TMX3: variants seen among roughly 807,000 people sequenced by gnomAD.
TMX3 encodes the protein thioredoxin related transmembrane protein 3.
Under a neutral mutation model 64.4 loss-of-function variants are expected in TMX3, and 40 were observed. That is an observed-to-expected ratio of 0.62 (90% confidence interval 0.48 to 0.81). TMX3 has a LOEUF of 0.81. Among genes scored for constraint, TMX3 ranks in the 30% least tolerant of loss-of-function variants. The pLI is 0.00. For missense variants in TMX3, 497 were observed against 534.5 expected (o/e 0.93, Z 0.69); for synonymous variants, 189 against 175.7 (o/e 1.08, Z -0.60).
intron 10 of TMX3, chr18:68,686,818 T>C (rs1294502305): frequency 1.2e-5 from 12 of 984,718 alleles, no homozygotes; most frequent in African/African-American, 1.8e-5. Flanking sequence ...GGCAGAAATA[T>C]CACTAGACAC....
intron 12 of TMX3, 115 bp from the exon 13 acceptor site, chr18:68,683,096 G>C: frequency 1.2e-6 from 1 of 837,110 alleles, no homozygotes; most frequent in Non-Finnish European, 1.9e-6. Flanking sequence ...TTAAATTCAG[G>C]CCTCAGTAGG....
rs151168037 is a variant in TMX3, at chr18:68,677,101, G to A, written c.1197C>T (p.Ala399=). The part of the protein sequence containing the change: ...ISIMCYGIYT[A]DTDGGYIEER... ...CTTCTATATAACCTCCATCTGTGTC[G>A]GCTGTGTAGATTCCATAGCACATGA... is the stretch of plus-strand genomic sequence containing the variant. The change falls in exon 16 of 16, where the codon GCC becomes GCT. Residue 399 remains alanine, a synonymous_variant. Coordinates refer to ENST00000299608, the MANE Select transcript of TMX3 (RefSeq NM_019022.5). The A allele has an allele frequency of 7.2e-5, 116 of 1,613,616 alleles. No individual in the cohort carries two copies. The African/African-American group carries it at 1.2e-3, about 17-fold the overall frequency.
chr18:68,693,872 T>TGCCTTTTCCAG (rs1310741873), intron 8 of TMX3, among the ~76,000 whole-genome samples: 2 of 152,084 alleles, frequency 1.3e-5, no homozygotes, highest in Admixed American at 6.5e-5. Flanking sequence ...AAGTGGATCG[T>TGCCTTTTCCAG]GCCTTTTCCA....
Position 68,673,922 on chromosome 18 carries a change from C to A in TMX3, c.*3011G>T, listed in dbSNP as rs1912723065. 6.6e-6 allele frequency: 1 copy of A among 152,110 alleles called. No homozygotes were observed. The highest frequency in any genetic ancestry group is 1.9e-4 in the East Asian group (1 of 5,194). The allele number at this position is 152,110 out of a possible 1,614,324, so 9.4% of individuals were successfully genotyped here. A position where few individuals can be genotyped will look rare whatever the true frequency, so the allele number is the denominator to read the frequency against. ...TCCCACCAATTGATAGTCTTAATAT[C>A]CTACACTGGTTTATTTGATCATTTA... On this transcript the variant is annotated 3_prime_UTR_variant, in exon 16 of 16. Coordinates refer to ENST00000299608, the MANE Select transcript of TMX3 (RefSeq NM_019022.5).
chr18:68,700,461 A>G lies in TMX3; in HGVS notation c.336T>C (p.Asn112=). 1 of 1,572,444 alleles carries G rather than the reference A, an allele frequency of 6.4e-7. No homozygotes were observed. Among genetic ancestry groups the G allele is most frequent in the South Asian group, 1.2e-5 (1 of 81,308 alleles). ...CATCTTTTGTTCGTGGTCCTCTATA[A>G]TTATATGCCAAGTCCCCTTTTAATC... ...IKLLKGDLAY[N]YRGPRTKDDI... Residue 112 remains asparagine (N), a synonymous_variant, in exon 6 of 16, where the codon AAT becomes AAC. Coordinates refer to ENST00000299608, the MANE Select transcript of TMX3 (RefSeq NM_019022.5).
intron 7 of TMX3, 69 bp downstream of exon 7, chr18:68,697,863 T>C (rs190295391): frequency 3.1e-6 from 3 of 953,246 alleles, no homozygotes; most frequent in Admixed American, 2.1e-5. Flanking sequence ...GCGTTTCTAG[T>C]GAAGTCTTGA....
chr18:68,709,797 G>A (rs767510383), intron 4 of TMX3, among the ~76,000 whole-genome samples: 2 of 148,892 alleles, frequency 1.3e-5, no homozygotes, highest in Non-Finnish European at 3.0e-5. Flanking sequence ...GGGCTCAAAG[G>A]AGAAAGGATG....
At chr18:68,697,841 G>T in intron 7 of TMX3, 91 bp downstream of exon 7, 1 of 762,196 alleles carries the variant, frequency 1.3e-6, no homozygotes, top group Non-Finnish European at 2.2e-6. Context: ...TAAGTGCAGA[G>T]TAATAAGTTC....
chr18:68,693,685 C>T (rs1288846778), intron 8 of TMX3, among the ~76,000 whole-genome samples: 2 of 152,054 alleles, frequency 1.3e-5, no homozygotes, highest in Admixed American at 6.5e-5. Context: ...AGCCTGGGTG[C>T]CATAGACGGT....
chr18:68,713,034 C>G (rs1417070543), intron 2 of TMX3, among the ~76,000 whole-genome samples: 2 of 151,448 alleles, frequency 1.3e-5, no homozygotes, highest in East Asian at 1.9e-4. Flanking sequence ...GAGGCACCAG[C>G]TCCTCAGTGT....
At chr18:68,713,247 A>C (rs2031465950) in intron 2 of TMX3, among the ~76,000 whole-genome samples, 1 of 152,202 alleles carries the variant, frequency 6.6e-6, no homozygotes, top group Admixed American at 6.5e-5. Context: ...GAAATGCCTC[A>C]GGTGAGGTCC....
chr18:68,691,383 A>G (rs775102104), intron 8 of TMX3, 22 bp from the exon 9 acceptor site: 2 of 1,444,416 alleles, frequency 1.4e-6, no homozygotes, highest in Non-Finnish European at 1.8e-6. Flanking sequence ...CAGAAGTTTA[A>G]ATAACTTTTA....
chr18:68,700,725 T>C, intron 5 of TMX3: 2 of 979,590 alleles, frequency 2.0e-6, no homozygotes, highest in East Asian at 1.1e-4. Flanking sequence ...CTGCATTTGA[T>C]AACTGCATTG....
chr18:68,697,970 C>T lies in TMX3; in HGVS notation c.454G>A (p.Val152Ile). The change falls in exon 7 of 16, where the codon GTA (valine) becomes ATA (isoleucine). Residue 152 changes from valine to isoleucine, a missense_variant. Physicochemically the swap from Val to Ile is conservative, Grantham distance 29. Transcript: ENST00000299608. ...TCTCCACCTACATAAACGAAAAATA[C>T]ACGGTGTCTCTTCTGCATATGTTCA... Reference protein sequence around the residue: ...MFEHMQKRHRVFFVYVGGESP... With the variant: ...MFEHMQKRHRIFFVYVGGESP... 6.2e-7 allele frequency: 1 copy of T among 1,612,252 alleles called. No individual in the cohort carries two copies. Among genetic ancestry groups the T allele is most frequent in the Non-Finnish European group, 8.5e-7 (1 of 1,179,598 alleles).
chr18:68,697,179 A>C (rs1287192454), intron 8 of TMX3, 47 bp downstream of exon 8: 1 of 977,688 alleles, frequency 1.0e-6, no homozygotes, highest in South Asian at 1.6e-5. Flanking sequence ...TCAAGTAATA[A>C]TTTAATAAAT....
chr18:68,697,874 T>C (rs983697251), intron 7 of TMX3, 58 bp downstream of exon 7: 3 of 1,110,398 alleles, frequency 2.7e-6, no homozygotes, highest in Non-Finnish European at 4.0e-6. Context: ...GAAGTCTTGA[T>C]TATAGAGTAA....
intron 6 of TMX3, 127 bp downstream of exon 6, chr18:68,700,278 A>T: frequency 1.7e-6 from 1 of 577,050 alleles, no homozygotes; most frequent in Non-Finnish European, 2.9e-6. Context: ...TTCTCTCATA[A>T]GTAAATAATC....
chr18:68,703,556 A>T (rs1599334593), intron 4 of TMX3, among the ~76,000 whole-genome samples: 1 of 152,236 alleles, frequency 6.6e-6, no homozygotes, highest in Middle Eastern at 3.4e-3. Context: ...CCCAACCCAC[A>T]TCCCTTGGCT....
intron 8 of TMX3, among the ~76,000 whole-genome samples, chr18:68,692,669 T>C (rs900477459): frequency 3.6e-4 from 54 of 152,094 alleles, no homozygotes; most frequent in African/African-American, 1.2e-3. Flanking sequence ...AACTATTATT[T>C]CCCCTAGCAG....
Sources: gnomAD v4.1 joint callset for allele counts (sites outside exome capture counted in the v4.1 genomes callset) on GRCh38, gnomAD v4.1.1 for gene constraint, MANE v1.5 for transcripts, NCBI Gene and HGNC (gene_info 2026-07-23, HGNC 2026-07-21) for gene names.